The following HOXB9 variants were observed in gnomAD, a reference collection of about 807,000 sequenced individuals.
HOXB9 encodes the protein homeobox B9.
A neutral mutation model predicts 21.5 loss-of-function variants in HOXB9; 10 were observed. That is an observed-to-expected ratio of 0.47 (90% CI 0.29 to 0.79). The LOEUF (loss-of-function observed/expected upper bound fraction) is 0.79. Among genes scored for constraint, HOXB9 ranks in the 30% least tolerant of loss-of-function variants. The pLI, the probability that HOXB9 is intolerant of heterozygous loss-of-function variation, is 0.10. For synonymous variants in HOXB9, 156 were observed against 151.2 expected (o/e 1.03, Z -0.23); for missense variants, 375 against 338.7 (o/e 1.11, Z -0.84).
chr17:48,626,207 C>G lies in HOXB9; in HGVS notation c.63G>C (p.Glu21Asp), dbSNP rs1228214662. The G allele has an allele frequency of 1.9e-6, 3 of 1,599,180 alleles. No homozygotes were observed. The highest frequency in any genetic ancestry group is 2.5e-6 in the Non-Finnish European group (3 of 1,179,764). The change falls in exon 1 of 2, where the codon GAG (glutamate) becomes GAC (aspartate). Residue 21 changes from glutamate to aspartate, a missense_variant. Coordinates refer to ENST00000311177, the MANE Select transcript of HOXB9 (RefSeq NM_024017.5). ...YVDSIISHES[E>D]DAPPAKFPSG... ...AAGGAAACTTGGCTGGAGGCGCGTC[C>G]TCACTCTCGTGACTTATGATCGAGT...
chr17:48,626,032 G>A lies in HOXB9; in HGVS notation c.238C>T (p.Pro80Ser). ...ASGSLPSVYHPYIQPQGVPPA... is the reference protein window; with the variant it reads ...ASGSLPSVYHSYIQPQGVPPA... ...GGGACGCCCTGGGGCTGGATGTAAGGGTGGTAGACGGACGGCAGGCTCCCG... is the reference window on the plus strand; with the variant it reads ...GGGACGCCCTGGGGCTGGATGTAAGAGTGGTAGACGGACGGCAGGCTCCCG... Residue 80 changes from proline to serine, a missense_variant, in exon 1 of 2, where the codon CCT becomes TCT. Coordinates refer to ENST00000311177, the MANE Select transcript of HOXB9 (RefSeq NM_024017.5). 6.3e-7 allele frequency: 1 copy of A among 1,578,014 alleles called. No individual in the cohort carries two copies. The highest frequency in any genetic ancestry group is 2.3e-5 in the East Asian group (1 of 43,988).
chr17:48,623,514 G>A (rs1255810705), intron 1 of HOXB9, among the ~76,000 whole-genome samples: 1 of 152,186 alleles, frequency 6.6e-6, no homozygotes, highest in Non-Finnish European at 1.5e-5. Context: ...TGACCTGAAG[G>A]GTCCTGGCTC....
Position 48,626,310 on chromosome 17 carries a change from G to C in HOXB9, c.-41C>G, listed in dbSNP as rs200924925. On this transcript the variant is annotated 5_prime_UTR_variant, in exon 1 of 2. Transcript: ENST00000311177. Reference sequence around the variant, plus strand: ...GGGCGCTTGCAGGGGGAAGGGAAGCGCTCGCGCGGCGGCGCCCAAGCAGGG... The same window carrying C: ...GGGCGCTTGCAGGGGGAAGGGAAGCCCTCGCGCGGCGGCGCCCAAGCAGGG... 5.7e-5 allele frequency: 87 copies of C among 1,539,668 alleles called. No individual in the cohort carries two copies. The East Asian group carries it at 1.4e-3, about 24-fold the overall frequency.
At chr17:48,625,236 C>T (rs955328928) in intron 1 of HOXB9, among the ~76,000 whole-genome samples, 1 of 152,262 alleles carries the variant, frequency 6.6e-6, no homozygotes, top group South Asian at 2.1e-4. Context: ...GCTGTTGCAT[C>T]GCAAATAAAA....
At chr17:48,624,926 C>T (rs2070798052) in intron 1 of HOXB9, among the ~76,000 whole-genome samples, 1 of 152,150 alleles carries the variant, frequency 6.6e-6, no homozygotes, top group African/African-American at 2.4e-5. Context: ...CCCCGGGGTC[C>T]CTTCGAGATG....
At position 48,621,481 on chromosome 17, in the gene HOXB9, T is replaced by C. The variant is rs1364120895; in HGVS notation, c.*1419A>G. The stretch of plus-strand genomic sequence containing the variant: ...AACGGAAGCAGAGAGTAAGCTTCCA[T>C]CTGATGCTTAGGTGCCATTTTGCCC... On this transcript the variant is annotated 3_prime_UTR_variant, in exon 2 of 2. Coordinates refer to ENST00000311177, the MANE Select transcript of HOXB9 (RefSeq NM_024017.5). 1.3e-5 allele frequency: 2 copies of C among 152,388 alleles called. No homozygotes were observed. Among genetic ancestry groups the C allele is most frequent in the African/African-American group, 4.8e-5 (2 of 41,440 alleles). 9.4% of individuals were successfully genotyped at this position (152,388 alleles called of 1,614,324 possible).
At position 48,623,005 on chromosome 17, in the gene HOXB9, G is replaced by T. The variant is rs113492126; in HGVS notation, c.648C>A (p.His216Gln). 2.0e-5 allele frequency: 32 copies of T among 1,614,036 alleles called. No individual in the cohort carries two copies. The highest frequency in any genetic ancestry group is 2.7e-5 in the Non-Finnish European group (32 of 1,180,004). Residue 216 changes from histidine (H) to glutamine (Q), a missense_variant, in exon 2 of 2, where the codon CAC becomes CAA. Physicochemically the swap from His to Gln is conservative, Grantham distance 24 (BLOSUM62 0). Transcript: ENST00000311177. Reference protein sequence around the residue: ...FNMYLTRDRRHEVARLLNLSE... With the variant: ...FNMYLTRDRRQEVARLLNLSE... The stretch of plus-strand genomic sequence containing the variant: ...TCAGATTGAGGAGTCTGGCCACTTC[G>T]TGCCTACGGTCCCTGGTGAGGTACA...
At chr17:48,624,476 C>A (rs559073618) in intron 1 of HOXB9, among the ~76,000 whole-genome samples, 38 of 152,184 alleles carry the variant, frequency 2.5e-4, no homozygotes, top group African/African-American at 9.2e-4. Flanking sequence ...AGAATGTGTT[C>A]CCTAAATGCC....
intron 1 of HOXB9, among the ~76,000 whole-genome samples, chr17:48,624,393 A>C (rs113795700): frequency 1.2e-4 from 19 of 152,256 alleles, no homozygotes; most frequent in African/African-American, 4.3e-4. Flanking sequence ...CCTTGCCATA[A>C]TGGGCTTTTC....
Position 48,626,130 on chromosome 17 carries a change from A to G in HOXB9, c.140T>C (p.Phe47Ser). 1 of 1,590,138 alleles carries G rather than the reference A, an allele frequency of 6.3e-7. No homozygotes were observed. Among genetic ancestry groups the G allele is most frequent in the Non-Finnish European group, 8.5e-7 (1 of 1,174,908 alleles). ...TTTGGGCTGGAAGCTGCACGAGGGG[A>G]ACTCCAGGTGCTCCGCGTGGCCCGG... ...RQPGHAEHLE[F>S]PSCSFQPKAP... The change falls in exon 1 of 2, where the codon TTC (phenylalanine) becomes TCC (serine). Residue 47 changes from phenylalanine (F) to serine (S), a missense_variant. By Grantham distance (155) the Phe-to-Ser change is radical. Coordinates refer to ENST00000311177, the MANE Select transcript of HOXB9 (RefSeq NM_024017.5).
At position 48,626,125 on chromosome 17, in the gene HOXB9, A is replaced by C. The variant is rs769012616; in HGVS notation, c.145T>G (p.Ser49Ala). Residue 49 changes from serine to alanine, a missense_variant, in exon 1 of 2, where the codon TCG (serine) becomes GCG (alanine). By Grantham distance (99) the Ser-to-Ala change is moderately conservative. Transcript: ENST00000311177. Reference sequence around the variant, plus strand: ...GGCGCTTTGGGCTGGAAGCTGCACGAGGGGAACTCCAGGTGCTCCGCGTGG... The same window carrying C: ...GGCGCTTTGGGCTGGAAGCTGCACGCGGGGAACTCCAGGTGCTCCGCGTGG... ...PGHAEHLEFPSCSFQPKAPVF... is the reference protein window; with the variant it reads ...PGHAEHLEFPACSFQPKAPVF... The C allele has an allele frequency of 6.3e-7, 1 of 1,588,624 alleles. No homozygotes were observed. The highest frequency in any genetic ancestry group is 2.2e-5 in the East Asian group (1 of 44,464).
rs1289598985 is a variant in HOXB9, at chr17:48,622,045, T to G, written c.*855A>C. The G allele has an allele frequency of 6.6e-6, 1 of 152,178 alleles. No homozygotes were observed. Among genetic ancestry groups the G allele is most frequent in the Non-Finnish European group, 1.5e-5 (1 of 68,026 alleles). The allele number at this position is 152,178 out of a possible 1,614,324, so 9.4% of individuals were successfully genotyped here. On this transcript the variant is annotated 3_prime_UTR_variant, in exon 2 of 2. Transcript: ENST00000311177. ...ATTGTCAAGGCTCTACGACCCACAG[T>G]TTGACCTTCTTTTGTTGGAAGGAGA... is the stretch of plus-strand genomic sequence containing the variant.
chr17:48,625,588 C>A (rs1051389016), intron 1 of HOXB9, among the ~76,000 whole-genome samples, 165 bp downstream of exon 1: 3 of 152,240 alleles, frequency 2.0e-5, no homozygotes, highest in Non-Finnish European at 4.4e-5. Context: ...GAGCACGCAG[C>A]TTTCCCCTTC....
Position 48,622,905 on chromosome 17 carries a change from CTT to C in HOXB9, c.746_747del (p.Lys249ArgfsTer74). 8.1e-6 allele frequency: 13 copies of C among 1,612,242 alleles called. No individual in the cohort carries two copies. The highest frequency in any genetic ancestry group is 1.1e-5 in the Non-Finnish European group (13 of 1,178,328). Reference sequence around the variant, plus strand: ...CTGGGGGTAATCTTTAATCTTTACTCTTTGCCCTGCTCCTTATTCATTTTCTT... The same window carrying C: ...CTGGGGGTAATCTTTAATCTTTACTCTGCCCTGCTCCTTATTCATTTTCTT... ...KMKKMNKEQGKE is the reference protein window; with the variant it reads ...KMKKMNKEQGXE On this transcript the variant is annotated frameshift_variant, in exon 2 of 2. Coordinates refer to ENST00000311177, the MANE Select transcript of HOXB9 (RefSeq NM_024017.5). LOFTEE classifies it high-confidence loss of function.
At chr17:48,624,320 G>T (rs1244742684) in intron 1 of HOXB9, among the ~76,000 whole-genome samples, 2 of 152,120 alleles carry the variant, frequency 1.3e-5, no homozygotes, top group African/African-American at 4.8e-5. Context: ...GATGGGACCC[G>T]CAGCCGCATT....
chr17:48,625,347 C>T (rs1213882797), intron 1 of HOXB9, among the ~76,000 whole-genome samples: 1 of 152,240 alleles, frequency 6.6e-6, no homozygotes, highest in African/African-American at 2.4e-5. Context: ...GCCCAGTGCG[C>T]TCCGGCCCTT....
chr17:48,625,854 T>C lies in HOXB9; in HGVS notation c.416A>G (p.Glu139Gly). The C allele has an allele frequency of 6.2e-7, 1 of 1,612,124 alleles. No homozygotes were observed. Among genetic ancestry groups the C allele is most frequent in the East Asian group, 2.2e-5 (1 of 44,568 alleles). ...CACGGCCTCCCTGCCCGCCGAAGTT[T>C]CCAAACTGTACTCGGGCGTGCCCTG... ...LKQGTPEYSL[E>G]TSAGREAVLS... The change falls in exon 1 of 2, where the codon GAA becomes GGA. Residue 139 changes from glutamate (E) to glycine (G), a missense_variant. Coordinates refer to ENST00000311177, the MANE Select transcript of HOXB9 (RefSeq NM_024017.5).
chr17:48,623,432 G>C (rs1349729795), intron 1 of HOXB9, among the ~76,000 whole-genome samples: 1 of 152,202 alleles, frequency 6.6e-6, no homozygotes, highest in African/African-American at 2.4e-5. Context: ...AAACTGCTTA[G>C]GACTCAGGTC....
At chr17:48,624,149 A>G (rs1371096638) in intron 1 of HOXB9, among the ~76,000 whole-genome samples, 1 of 152,196 alleles carries the variant, frequency 6.6e-6, no homozygotes, top group Non-Finnish European at 1.5e-5. Context: ...AAAGTTGCCA[A>G]ATAAAGCTAA....
Sources: gnomAD v4.1 joint callset for allele counts (sites outside exome capture counted in the v4.1 genomes callset) on GRCh38, gnomAD v4.1.1 for gene constraint, MANE v1.5 for transcripts, NCBI Gene and HGNC (gene_info 2026-07-23, HGNC 2026-07-21) for gene names.